The following RBFOX1 variants were observed in gnomAD, a reference collection of about 807,000 sequenced individuals.
RBFOX1 encodes RNA binding fox-1 homolog 1, also known as RNA binding protein fox-1 homolog 1.
RBFOX1 carries 8 observed loss-of-function variants against 57.7 expected under a neutral mutation model. The observed-to-expected ratio is 0.14, with a 90% CI of 0.08 to 0.25. The LOEUF is 0.25. Among genes scored for constraint, RBFOX1 ranks in the 10% least tolerant of loss-of-function variants. RBFOX1 has a pLI of 1.00. For synonymous variants in RBFOX1, 326 were observed against 222.4 expected, an observed-to-expected ratio of 1.47 and a Z score of -4.15; for missense variants, 611 against 548.5, an observed-to-expected ratio of 1.11 and a Z score of -1.14.
chr16:6,018,297 T>C (rs560446485), upstream of RBFOX1, among the ~76,000 whole-genome samples: 1 of 152,254 alleles, frequency 6.6e-6, no homozygotes, highest in Non-Finnish European at 1.5e-5. Flanking sequence ...GGGAGAAATA[T>C]TGCTTTAATC....
At chr16:7,460,496 T>C (rs957259088) in intron 4 of RBFOX1, among the ~76,000 whole-genome samples, 27 of 146,038 alleles carry the variant, frequency 1.8e-4, no homozygotes, top group African/African-American at 5.3e-4. Flanking sequence ...GCCTTATATA[T>C]AATATATACA....
chr16:7,003,730 G>C (rs1406547362), intron 3 of RBFOX1, among the ~76,000 whole-genome samples: 2 of 152,060 alleles, frequency 1.3e-5, no homozygotes, highest in African/African-American at 2.4e-5. Context: ...AATTAAGTTA[G>C]TATGTATTAG....
At chr16:7,520,839 G>A (rs958665770) in intron 5 of RBFOX1, among the ~76,000 whole-genome samples, 2 of 152,182 alleles carry the variant, frequency 1.3e-5, no homozygotes, top group African/African-American at 4.8e-5. Flanking sequence ...GATCCAATCA[G>A]ACATTATTTA....
At position 6,611,632 on chromosome 16, in the gene RBFOX1, C is replaced by G. The variant is rs371453000; in HGVS notation, c.-63-42971C>G. Among the ~76,000 whole-genome samples the G allele has an allele frequency of 2.0e-5, 3 of 152,298 alleles. No homozygotes were observed. In the East Asian group the frequency reaches 5.8e-4, roughly 29 times the overall value. On this transcript the variant is annotated intron_variant, in intron 2 of 15. Coordinates refer to ENST00000550418, the MANE Select transcript of RBFOX1 (RefSeq NM_018723.4). ...TTCAAGGAAACTGCCTGCAGATGCT[C>G]AGAGCTTTCTTTCTCCTTTCTTTGT...
At chr16:5,518,716 A>G (rs973356783) in intron 2 of RBFOX1, among the ~76,000 whole-genome samples, 17 of 152,160 alleles carry the variant, frequency 1.1e-4, no homozygotes, top group Non-Finnish European at 2.4e-4. Context: ...TTATCTCTTG[A>G]CATCCTCAAC....
At chr16:6,905,332 T>TC (rs1165333492) in intron 3 of RBFOX1, among the ~76,000 whole-genome samples, 2 of 151,962 alleles carry the variant, frequency 1.3e-5, no homozygotes, top group African/African-American at 4.8e-5. Flanking sequence ...GGCAGGTGGA[T>TC]CCCCTGAGGT....
intron 3 of RBFOX1, among the ~76,000 whole-genome samples, chr16:6,976,691 T>A (rs2086946665): frequency 6.7e-6 from 1 of 148,600 alleles, no homozygotes; most frequent in Admixed American, 6.8e-5. Flanking sequence ...ATCATACCTA[T>A]AGCATACATA....
intron 3 of RBFOX1, among the ~76,000 whole-genome samples, chr16:6,842,262 A>C (rs560957533): frequency 5.7e-4 from 87 of 152,128 alleles, no homozygotes; most frequent in Non-Finnish European, 1.1e-3. Flanking sequence ...ATTCTGTGGC[A>C]TATATTTTTC....
intron 5 of RBFOX1, among the ~76,000 whole-genome samples, chr16:7,569,689 G>A (rs746084709): frequency 6.6e-6 from 1 of 152,144 alleles, no homozygotes. Context: ...CCAACCACAG[G>A]TGTCTGTTGA....
At chr16:5,909,030 G>A (rs1327572874) in intron 4 of RBFOX1, among the ~76,000 whole-genome samples, 1 of 149,884 alleles carries the variant, frequency 6.7e-6, no homozygotes, top group East Asian at 2.0e-4. Flanking sequence ...AATTTCTTTT[G>A]TGTATAAACC....
chr16:6,798,196 C>G (rs551975483), intron 3 of RBFOX1, among the ~76,000 whole-genome samples: 5 of 152,114 alleles, frequency 3.3e-5, no homozygotes, highest in African/African-American at 4.8e-5. Flanking sequence ...GGTCGTGTCC[C>G]TAAGAGAAAC....
intron 3 of RBFOX1, among the ~76,000 whole-genome samples, chr16:5,834,962 C>G (rs962503887): frequency 3.5e-4 from 54 of 152,190 alleles, no homozygotes; most frequent in Admixed American, 2.0e-4. Context: ...TACATTCCCA[C>G]CAACAGTGCG....
At chr16:5,864,866 G>A (rs965267202) in intron 3 of RBFOX1, among the ~76,000 whole-genome samples, 1 of 152,160 alleles carries the variant, frequency 6.6e-6, no homozygotes, top group Non-Finnish European at 1.5e-5. Context: ...ACTCCCTACT[G>A]TCTCTCCCAC....
chr16:6,595,550 T>G (rs569970880), intron 2 of RBFOX1, among the ~76,000 whole-genome samples: 1 of 152,148 alleles, frequency 6.6e-6, no homozygotes, highest in African/African-American at 2.4e-5. Flanking sequence ...TGTACTTACG[T>G]TTTTATTTCT....
At chr16:6,756,694 G>A (rs147312040) in intron 3 of RBFOX1, among the ~76,000 whole-genome samples, 151 of 152,206 alleles carry the variant, frequency 9.9e-4, no homozygotes, top group African/African-American at 3.3e-3. Context: ...TATACAGGCC[G>A]GGCCTGGTGG....
chr16:6,318,581 T>A (rs1238239203), intron 2 of RBFOX1, among the ~76,000 whole-genome samples: 1 of 152,122 alleles, frequency 6.6e-6, no homozygotes, highest in African/African-American at 2.4e-5. Flanking sequence ...TGAATATGAT[T>A]GAAATTGCTG....
chr16:7,139,720 C>T lies in RBFOX1; in HGVS notation c.27+87622C>T, dbSNP rs576410354. Among the ~76,000 whole-genome samples the T allele has an allele frequency of 1.3e-4, 20 of 151,948 alleles. No individual in the cohort carries two copies. In the South Asian group the frequency reaches 3.8e-3, roughly 29 times the overall value. On this transcript the variant is annotated intron_variant, in intron 4 of 15. Transcript: ENST00000550418. ...TGGGTTGGTGAATAAAACCAAAGGC[C>T]ATGAAGAGGTTGAAGACTGAGAAAT...
intron 4 of RBFOX1, among the ~76,000 whole-genome samples, chr16:7,513,989 C>T (rs2075790718): frequency 6.6e-6 from 1 of 152,232 alleles, no homozygotes; most frequent in Non-Finnish European, 1.5e-5. Context: ...GGCCCTTTCT[C>T]TCTCTTTCTA....
At chr16:6,385,998 C>T (rs866016841) in intron 2 of RBFOX1, among the ~76,000 whole-genome samples, 5 of 150,658 alleles carry the variant, frequency 3.3e-5, no homozygotes, top group Admixed American at 1.3e-4. Flanking sequence ...TGCAGTGGCG[C>T]GATCTCGGCT....
Sources: allele counts gnomAD v4.1 joint callset (sites outside exome capture counted in the v4.1 genomes callset), GRCh38; gene constraint gnomAD v4.1.1; transcripts MANE v1.5; gene names NCBI Gene and HGNC (gene_info 2026-07-23, HGNC 2026-07-21).